The following ALDH7A1 variants were observed in gnomAD, a reference collection of about 807,000 sequenced individuals.
The protein encoded by ALDH7A1 is aldehyde dehydrogenase 7 family member A1, also known as alpha-aminoadipic semialdehyde dehydrogenase.
A neutral mutation model predicts 79.9 loss-of-function variants in ALDH7A1; 63 were observed. That is an observed-to-expected ratio of 0.79 (90% CI 0.64 to 0.97). The LOEUF (loss-of-function observed/expected upper bound fraction) is 0.97. ALDH7A1 is among the 50% of genes least tolerant of loss of function. The pLI is 0.00. For synonymous variants in ALDH7A1, 240 were observed against 231.2 expected (o/e 1.04, Z -0.34); for missense variants, 627 against 665.2 (o/e 0.94, Z 0.63).
At chr5:126,555,482 CAAAAAAAAAAAA>C (rs762878623) in intron 12 of ALDH7A1, 1 of 74,758 alleles carries the variant, frequency 1.3e-5, no homozygotes, top group Non-Finnish European at 2.7e-5. Flanking sequence ...AACTGTGTCT[CAAAAAAAAAAAA>C]AAAAAAAAAG....
rs1169418062 is a variant in ALDH7A1, at chr5:126,542,560, G to A, written c.*2405C>T. The A allele has an allele frequency of 6.6e-6, 1 of 152,252 alleles. No individual in the cohort carries two copies. The highest frequency in any genetic ancestry group is 2.4e-5 in the African/African-American group (1 of 41,426). The allele number at this position is 152,252 out of a possible 1,614,324, so 9.4% of individuals were successfully genotyped here. A position where few individuals can be genotyped will look rare whatever the true frequency, so the allele number is the denominator to read the frequency against. On this transcript the variant is annotated 3_prime_UTR_variant, in exon 18 of 18. Coordinates refer to ENST00000409134, the MANE Select transcript of ALDH7A1 (RefSeq NM_001182.5). Reference sequence around the variant, plus strand: ...TGCACCTGTAGTCCCAGCTACTGGGGAGCATGAGGTGGAAGGATAGATTGA... The same window carrying A: ...TGCACCTGTAGTCCCAGCTACTGGGAAGCATGAGGTGGAAGGATAGATTGA...
At chr5:126,576,262 CA>C (rs35284915) in intron 6 of ALDH7A1, among the ~76,000 whole-genome samples, 11,848 of 89,162 alleles carry the variant, frequency 0.13, 361 homozygotes, top group African/African-American at 0.18. Flanking sequence ...GACTCTGTCA[CA>C]AAAAAAAAAA....
chr5:126,582,613 A>C (rs940928540), intron 5 of ALDH7A1, among the ~76,000 whole-genome samples: 1 of 152,202 alleles, frequency 6.6e-6, no homozygotes, highest in African/African-American at 2.4e-5. Context: ...CAGATGAGTT[A>C]AAAGTGTCTT....
At position 126,582,945 on chromosome 5, in the gene ALDH7A1, C is replaced by T. The variant is rs199653162; in HGVS notation, c.423G>A (p.Val141=). The T allele has an allele frequency of 6.2e-7, 1 of 1,613,822 alleles. No individual in the cohort carries two copies. The highest frequency in any genetic ancestry group is 1.3e-5 in the African/African-American group (1 of 74,886). ...LVSLEMGKIL[V]EGVGEVQEYV... is the part of the protein sequence containing the mutation. Reference sequence around the variant, plus strand: ...ACTCCTGAACTTCACCCACACCTTCCACTAAGATTTTCCCCATCTCCAAAG... The same window carrying T: ...ACTCCTGAACTTCACCCACACCTTCTACTAAGATTTTCCCCATCTCCAAAG... The change falls in exon 5 of 18, where the codon GTG becomes GTA. Residue 141 remains valine (V), a synonymous_variant. Transcript: ENST00000409134.
intron 1 of ALDH7A1, chr5:126,593,710 A>G (rs1364733020): frequency 2.0e-6 from 1 of 502,890 alleles, no homozygotes; most frequent in Non-Finnish European, 3.6e-6. Flanking sequence ...GACCAAACTG[A>G]CTAGTTTTAG....
intron 11 of ALDH7A1, among the ~76,000 whole-genome samples, chr5:126,558,381 C>T (rs981724825): frequency 4.6e-5 from 7 of 152,138 alleles, no homozygotes; most frequent in Admixed American, 2.6e-4. Flanking sequence ...ATTAATCTGT[C>T]CTCTCGATAT....
At chr5:126,578,335 C>G (rs1488838110) in intron 5 of ALDH7A1, among the ~76,000 whole-genome samples, 1 of 151,486 alleles carries the variant, frequency 6.6e-6, no homozygotes, top group Non-Finnish European at 1.5e-5. Context: ...TCTTTACATT[C>G]ACTATAAGAA....
At chr5:126,559,648 C>T (rs1245446884) in intron 10 of ALDH7A1, among the ~76,000 whole-genome samples, 1 of 152,050 alleles carries the variant, frequency 6.6e-6, no homozygotes, top group Non-Finnish European at 1.5e-5. Flanking sequence ...GGTCAGGCCA[C>T]TTTCAAACTC....
chr5:126,556,211 G>T, intron 11 of ALDH7A1, among the ~76,000 whole-genome samples, 196 bp from the exon 12 acceptor site: 2 of 143,000 alleles, frequency 1.4e-5, no homozygotes, highest in East Asian at 2.1e-4. Context: ...CTTTTAGGTA[G>T]ATAATAGAAT....
chr5:126,575,410 A>G lies in ALDH7A1; in HGVS notation c.695+10T>C, dbSNP rs199931068. On this transcript the variant is annotated intron_variant, in intron 7 of 17. Coordinates refer to ENST00000409134, the MANE Select transcript of ALDH7A1 (RefSeq NM_001182.5). ...CCATACCCAGGAAAAAGAAAGCCAC[A>G]TGTACTTACTTTGTGACAGCCACAC... 2.9e-5 allele frequency: 46 copies of G among 1,613,068 alleles called. No homozygotes were observed. Among genetic ancestry groups the G allele is most frequent in the Non-Finnish European group, 2.7e-5 (32 of 1,179,448 alleles).
intron 8 of ALDH7A1, chr5:126,568,804 C>T (rs76681506): frequency 0.016 from 3,304 of 204,788 alleles, 97 homozygotes; most frequent in African/African-American, 0.055. Flanking sequence ...TGGAGGCATG[C>T]GCTACTTGGG....
At chr5:126,546,511 A>C in intron 16 of ALDH7A1, 112 bp from the exon 17 acceptor site, 1 of 943,080 alleles carries the variant, frequency 1.1e-6, no homozygotes, top group Non-Finnish European at 1.7e-6. Flanking sequence ...CTGATTATTT[A>C]CTTTACATTT....
At position 126,594,054 on chromosome 5, in the gene ALDH7A1, T is replaced by A. The variant is rs72789715; in HGVS notation, c.193-650A>T. 2,565 of 358,216 alleles carry A rather than the reference T, an allele frequency of 7.2e-3. 23 individuals carry two copies. Among genetic ancestry groups the A allele is most frequent in the Non-Finnish European group, 9.8e-3 (1,688 of 172,398 alleles). 22.2% of individuals were successfully genotyped at this position (358,216 alleles called of 1,614,324 possible). On this transcript the variant is annotated intron_variant, in intron 1 of 17. Transcript: ENST00000409134. ...AAAGTTTGTTAACTGTTACATAACA[T>A]CCTCCTATAAAAAACTTTCTTTTAA...
At position 126,561,124 on chromosome 5, in the gene ALDH7A1, C is replaced by T. The variant is rs1750388815; in HGVS notation, c.872G>A (p.Gly291Glu). ...TCCTCCAAGTTCCAACAGACTTCTC[C>T]CTTAAAAGAAAAAAATTATATATAA... ...QVGLMVQERF[G>E]RSLLELGGNN... Residue 291 changes from glycine to glutamate, a missense_variant and splice_region_variant, in exon 10 of 18, where the codon GGG (glycine) becomes GAG (glutamate). Gly to Glu is a moderately conservative substitution (Grantham distance 98). Transcript: ENST00000409134. 1 of 1,609,926 alleles carries T rather than the reference C, an allele frequency of 6.2e-7. No individual in the cohort carries two copies. The highest frequency in any genetic ancestry group is 8.5e-7 in the Non-Finnish European group (1 of 1,178,302).
intron 1 of ALDH7A1, 158 bp from the exon 2 acceptor site, chr5:126,593,562 C>A: frequency 9.8e-7 from 1 of 1,022,214 alleles, no homozygotes. Flanking sequence ...AACCACTCTA[C>A]AGAGGTTGTC....
rs540034515 is a variant in ALDH7A1 at position 126,581,835 on chromosome 5, G to A, written c.517+1016C>T. The A allele has an allele frequency of 6.4e-5, 14 of 219,394 alleles. No individual in the cohort carries two copies. The South Asian group carries it at 1.5e-3, about 23-fold the overall frequency. 13.6% of individuals were successfully genotyped at this position (219,394 alleles called of 1,614,324 possible). A position where few individuals can be genotyped will look rare whatever the true frequency, so the allele number is the denominator to read the frequency against. On this transcript the variant is annotated intron_variant, in intron 5 of 17. Coordinates refer to ENST00000409134, the MANE Select transcript of ALDH7A1 (RefSeq NM_001182.5). Reference sequence around the variant, plus strand: ...TCTACCAAAAATACAAAAATTAGCCGGGTGTGATGGTGCACACCTGTAATC... The same window carrying A: ...TCTACCAAAAATACAAAAATTAGCCAGGTGTGATGGTGCACACCTGTAATC...
chr5:126,562,525 A>G (rs1315295333), intron 9 of ALDH7A1: 1 of 151,796 alleles, frequency 6.6e-6, no homozygotes, highest in Non-Finnish European at 1.5e-5. Flanking sequence ...ATAGAGCCTT[A>G]AAAAGAAAAT....
At chr5:126,546,711 G>A (rs1258019729) in intron 16 of ALDH7A1, among the ~76,000 whole-genome samples, 1 of 151,458 alleles carries the variant, frequency 6.6e-6, no homozygotes, top group African/African-American at 2.4e-5. Flanking sequence ...ACCCCACCGT[G>A]CCCAGCCCAC....
At chr5:126,593,079 C>CT (rs1751605565) in intron 2 of ALDH7A1, among the ~76,000 whole-genome samples, 1 of 152,198 alleles carries the variant, frequency 6.6e-6, no homozygotes, top group Non-Finnish European at 1.5e-5. Context: ...GAAGCACTGC[C>CT]TTAAATGGCC....
Sources: gnomAD v4.1 joint callset for allele counts (sites outside exome capture counted in the v4.1 genomes callset) on GRCh38, gnomAD v4.1.1 for gene constraint, MANE v1.5 for transcripts, NCBI Gene and HGNC (gene_info 2026-07-23, HGNC 2026-07-21) for gene names.